The following ENTREP2 variants were observed in gnomAD, a reference collection of about 807,000 sequenced individuals.
The protein encoded by ENTREP2 is endosomal transmembrane epsin interactor 2, also known as protein ENTREP2.
the ENTREP2 span, among the ~76,000 whole-genome samples, chr15:29,638,084 G>A: frequency 2.0e-5 from 3 of 152,218 alleles, no homozygotes; most frequent in African/African-American, 7.2e-5. Flanking sequence ...GCTGCTGCCT[G>A]CTGATCAGAA....
the ENTREP2 span, among the ~76,000 whole-genome samples, chr15:29,577,704 G>A: frequency 6.6e-6 from 1 of 152,112 alleles, no homozygotes; most frequent in Non-Finnish European, 1.5e-5. Context: ...TTGGATGAAT[G>A]GATAAACAAA....
At chr15:29,637,803 T>C in the ENTREP2 span, among the ~76,000 whole-genome samples, 1 of 152,110 alleles carries the variant, frequency 6.6e-6, no homozygotes, top group Non-Finnish European at 1.5e-5. Context: ...GAGAGGGAAG[T>C]GTGCAGAGCG....
chr15:29,210,589 G>T, the ENTREP2 span, among the ~76,000 whole-genome samples: 1 of 152,208 alleles, frequency 6.6e-6, no homozygotes, highest in Non-Finnish European at 1.5e-5. Flanking sequence ...AATGCCTGAT[G>T]ATCTGAGGTG....
chr15:29,301,638 T>C, the ENTREP2 span, among the ~76,000 whole-genome samples: 3 of 152,236 alleles, frequency 2.0e-5, no homozygotes, highest in Non-Finnish European at 2.9e-5. Flanking sequence ...AATGACCCAA[T>C]GGAAGTAGCA....
chr15:29,341,263 A>T, the ENTREP2 span, among the ~76,000 whole-genome samples: 1 of 152,122 alleles, frequency 6.6e-6, no homozygotes, highest in Admixed American at 6.5e-5. Context: ...CGGTTTATTC[A>T]TTTGCTCATT....
At chr15:29,373,721 G>A in the ENTREP2 span, 4 of 151,528 alleles carry the variant, frequency 2.6e-5, no homozygotes, top group East Asian at 7.8e-4. Context: ...GGATTTAAAT[G>A]GTTATTTTCA....
chr15:29,463,480 A>G, the ENTREP2 span, among the ~76,000 whole-genome samples: 2 of 152,250 alleles, frequency 1.3e-5, no homozygotes, highest in African/African-American at 4.8e-5. Flanking sequence ...GATTTACAAT[A>G]GGTGAATAGG....
the ENTREP2 span, among the ~76,000 whole-genome samples, chr15:29,624,333 G>GCACGCA: frequency 6.6e-5 from 10 of 151,114 alleles, no homozygotes; most frequent in African/African-American, 2.4e-4. Context: ...ATGCACGTGC[G>GCACGCA]CACACACACA....
the ENTREP2 span, among the ~76,000 whole-genome samples, chr15:29,506,119 A>G: frequency 6.6e-6 from 1 of 152,140 alleles, no homozygotes; most frequent in African/African-American, 2.4e-5. Context: ...AAGCATACAC[A>G]AGTATCAGTA....
chr15:29,218,789 A>G, the ENTREP2 span, among the ~76,000 whole-genome samples: 2 of 152,196 alleles, frequency 1.3e-5, no homozygotes, highest in Non-Finnish European at 2.9e-5. Context: ...CTGGATCCTC[A>G]TCTCTCAACT....
At chr15:29,265,673 C>T in the ENTREP2 span, 1 of 152,276 alleles carries the variant, frequency 6.6e-6, no homozygotes, top group Non-Finnish European at 1.5e-5. Flanking sequence ...ATGGTATTTG[C>T]AAATGGATAG....
the ENTREP2 span, among the ~76,000 whole-genome samples, chr15:29,225,511 CA>C: frequency 1.3e-5 from 2 of 152,122 alleles, no homozygotes; most frequent in Non-Finnish European, 2.9e-5. Context: ...CGCAGCTTAC[CA>C]GGACCTATCT....
the ENTREP2 span, among the ~76,000 whole-genome samples, chr15:29,277,791 G>A: frequency 2.6e-5 from 4 of 152,104 alleles, no homozygotes; most frequent in Admixed American, 6.6e-5. Flanking sequence ...GCTATACCAC[G>A]CAAGATGACA....
the ENTREP2 span, among the ~76,000 whole-genome samples, chr15:29,132,316 G>C: frequency 5.3e-5 from 8 of 152,174 alleles, no homozygotes; most frequent in African/African-American, 1.9e-4. Flanking sequence ...GGACGGTAAT[G>C]GGTTTCTTTG....
chr15:29,634,679 C>T, the ENTREP2 span, among the ~76,000 whole-genome samples: 6 of 152,192 alleles, frequency 3.9e-5, no homozygotes, highest in African/African-American at 7.2e-5. Flanking sequence ...TTCCCAGCCC[C>T]GCTAGATACC....
the ENTREP2 span, among the ~76,000 whole-genome samples, chr15:29,483,522 T>C: frequency 6.6e-6 from 1 of 152,258 alleles, no homozygotes; most frequent in African/African-American, 2.4e-5. Flanking sequence ...AGAGTTTGCG[T>C]GTTGGCCTCT....
At chr15:29,371,585 T>C in the ENTREP2 span, among the ~76,000 whole-genome samples, 1 of 152,212 alleles carries the variant, frequency 6.6e-6, no homozygotes, top group East Asian at 1.9e-4. Context: ...CTAATTAATA[T>C]ACTTGAAGGA....
chr15:29,268,582 A>T, the ENTREP2 span: 1 of 483,862 alleles, frequency 2.1e-6, no homozygotes, highest in Admixed American at 3.8e-5. Flanking sequence ...GTAAAATCAA[A>T]ACAAATGCTC....
the ENTREP2 span, among the ~76,000 whole-genome samples, chr15:29,235,717 G>A: frequency 2.3e-4 from 35 of 152,200 alleles, no homozygotes; most frequent in African/African-American, 8.0e-4. Context: ...TGTAAACCCA[G>A]CACTTTGGGA....
Sources: allele counts gnomAD v4.1 joint callset (sites outside exome capture counted in the v4.1 genomes callset), GRCh38; gene constraint gnomAD v4.1.1; transcripts MANE v1.5; gene names NCBI Gene and HGNC (gene_info 2026-07-23, HGNC 2026-07-21).